ASIC2: variants seen among roughly 807,000 people sequenced by gnomAD.
ASIC2 encodes acid sensing ion channel subunit 2, also known as acid-sensing ion channel 2.
In ASIC2, 25 loss-of-function variants were observed where a neutral mutation model predicts 57.3. The observed-to-expected ratio is 0.44, with a 90% CI of 0.32 to 0.61. ASIC2 has a LOEUF of 0.61. ASIC2 is among the 20% of genes least tolerant of loss of function. The pLI, the probability that ASIC2 is intolerant of heterozygous loss-of-function variation, is 0.06. For missense variants in ASIC2, 641 were observed against 738.1 expected, an observed-to-expected ratio of 0.87 and a Z score of 1.52; for synonymous variants, 319 against 307.5, an observed-to-expected ratio of 1.04 and a Z score of -0.39.
chr17:33,251,126 G>T (rs1908866590), intron 1 of ASIC2, among the ~76,000 whole-genome samples: 1 of 152,168 alleles, frequency 6.6e-6, no homozygotes, highest in African/African-American at 2.4e-5. Context: ...GAGACAGACA[G>T]ATCCTGGGCT....
intron 1 of ASIC2, among the ~76,000 whole-genome samples, chr17:33,662,440 G>A (rs1907298492): frequency 6.6e-6 from 1 of 151,328 alleles, no homozygotes; most frequent in Non-Finnish European, 1.5e-5. Flanking sequence ...GGCCAACAAA[G>A]TGAAACCCCA....
chr17:33,550,156 G>T (rs566337797), intron 1 of ASIC2, among the ~76,000 whole-genome samples: 1 of 152,308 alleles, frequency 6.6e-6, no homozygotes, highest in Admixed American at 6.5e-5. Flanking sequence ...GTCATTTGGG[G>T]CCAGAGGTCC....
At chr17:33,063,642 G>A (rs1361230981) in intron 3 of ASIC2, among the ~76,000 whole-genome samples, 1 of 152,106 alleles carries the variant, frequency 6.6e-6, no homozygotes, top group African/African-American at 2.4e-5. Context: ...TATGTGTCTT[G>A]GAGTTGCTCT....
intron 1 of ASIC2, among the ~76,000 whole-genome samples, chr17:33,378,194 T>C (rs1355159558): frequency 6.6e-6 from 1 of 152,246 alleles, no homozygotes. Flanking sequence ...TTTTGAATGA[T>C]AGCTTCATCA....
intron 3 of ASIC2, among the ~76,000 whole-genome samples, chr17:33,034,579 A>G (rs1330550287): frequency 3.9e-5 from 6 of 152,226 alleles, no homozygotes; most frequent in African/African-American, 1.4e-4. Context: ...TATTTTTGAA[A>G]CATTTTGGCT....
chr17:33,183,109 T>C (rs1047300985), intron 1 of ASIC2, among the ~76,000 whole-genome samples: 2 of 152,208 alleles, frequency 1.3e-5, no homozygotes, highest in African/African-American at 4.8e-5. Context: ...ACACAGCCAC[T>C]AAGAAGCAAA....
At chr17:33,498,043 G>A (rs553420735) in intron 1 of ASIC2, among the ~76,000 whole-genome samples, 1 of 152,350 alleles carries the variant, frequency 6.6e-6, no homozygotes, top group Non-Finnish European at 1.5e-5. Context: ...GCATGATACC[G>A]AGGGAGATGA....
intron 9 of ASIC2, among the ~76,000 whole-genome samples, chr17:33,014,825 C>T (rs2091797113): frequency 6.6e-6 from 1 of 152,182 alleles, no homozygotes; most frequent in Admixed American, 6.5e-5. Context: ...CAAAGGGAAC[C>T]ACTTGCTGAG....
chr17:33,161,287 T>C (rs932908502), intron 1 of ASIC2, among the ~76,000 whole-genome samples: 1 of 152,218 alleles, frequency 6.6e-6, no homozygotes, highest in Non-Finnish European at 1.5e-5. Flanking sequence ...TGTCTTCCTT[T>C]ATATGCTCCA....
intron 1 of ASIC2, among the ~76,000 whole-genome samples, chr17:33,767,506 A>C (rs1021797968): frequency 2.6e-5 from 4 of 152,250 alleles, no homozygotes; most frequent in Admixed American, 2.6e-4. Flanking sequence ...AAACTTTCAG[A>C]AGCTGTTCAT....
At chr17:34,153,976 C>T (rs1034293753) in intron 1 of ASIC2, among the ~76,000 whole-genome samples, 4 of 152,140 alleles carry the variant, frequency 2.6e-5, no homozygotes, top group Non-Finnish European at 1.5e-5. Flanking sequence ...AAAACAATAG[C>T]CTGGGGTCAA....
chr17:33,724,212 G>A (rs1412746181), intron 1 of ASIC2, among the ~76,000 whole-genome samples: 3 of 152,070 alleles, frequency 2.0e-5, no homozygotes, highest in South Asian at 2.1e-4. Context: ...CCATGATTAC[G>A]AGGCCTCCCC....
At chr17:33,061,230 G>C (rs1750474717) in intron 3 of ASIC2, among the ~76,000 whole-genome samples, 1 of 152,188 alleles carries the variant, frequency 6.6e-6, no homozygotes, top group Non-Finnish European at 1.5e-5. Flanking sequence ...GGGCACTCCT[G>C]TCTTGTGCCA....
At chr17:33,686,380 C>T (rs1356306460) in intron 1 of ASIC2, among the ~76,000 whole-genome samples, 1 of 152,092 alleles carries the variant, frequency 6.6e-6, no homozygotes, top group Non-Finnish European at 1.5e-5. Context: ...GTAAGGGCTC[C>T]CCCTGCTGGG....
intron 1 of ASIC2, among the ~76,000 whole-genome samples, chr17:33,588,635 A>T (rs115118783): frequency 2.0e-5 from 3 of 152,258 alleles, no homozygotes; most frequent in Admixed American, 2.0e-4. Flanking sequence ...AACAAGTAAT[A>T]TAACACCGTG....
Position 33,557,227 on chromosome 17 carries a change from C to T in ASIC2, c.556-445160G>A, listed in dbSNP as rs1045402410. Among the ~76,000 whole-genome samples the T allele has an allele frequency of 2.0e-5, 3 of 152,082 alleles. No homozygotes were observed. The South Asian group carries it at 6.2e-4, about 32-fold the overall frequency. On this transcript the variant is annotated intron_variant, in intron 1 of 9. Transcript: ENST00000359872. ...CAAATGTTAAGTAACTTATCTAGTC[C>T]CTAGCAAGTAAGTGAAAAACCAAGT...
At chr17:33,953,556 C>A (rs1413128498) in intron 1 of ASIC2, among the ~76,000 whole-genome samples, 1 of 142,256 alleles carries the variant, frequency 7.0e-6, no homozygotes, top group Non-Finnish European at 1.5e-5. Context: ...TTGCTCTCCT[C>A]CAGCTGTAGT....
chr17:33,158,182 G>A (rs1186270451), intron 1 of ASIC2, among the ~76,000 whole-genome samples: 1 of 152,160 alleles, frequency 6.6e-6, no homozygotes, highest in Admixed American at 6.5e-5. Context: ...TTTATTGTCT[G>A]TCTTCTGTGA....
chr17:33,802,475 G>T (rs527914242), intron 1 of ASIC2, among the ~76,000 whole-genome samples: 20 of 152,182 alleles, frequency 1.3e-4, no homozygotes, highest in Non-Finnish European at 2.8e-4. Context: ...ACACAGAAAA[G>T]GTTGACCTTC....
Sources: gnomAD v4.1 joint callset for allele counts (sites outside exome capture counted in the v4.1 genomes callset) on GRCh38, gnomAD v4.1.1 for gene constraint, MANE v1.5 for transcripts, NCBI Gene and HGNC (gene_info 2026-07-23, HGNC 2026-07-21) for gene names.